The following MYRFL variants were observed in gnomAD, a reference collection of about 807,000 sequenced individuals.
The protein encoded by MYRFL is myelin regulatory factor like, also known as myelin regulatory factor-like protein.
MYRFL carries 88 observed loss-of-function variants against 109.4 expected under a neutral mutation model. That is an observed-to-expected ratio of 0.80 (90% CI 0.68 to 0.96). The LOEUF (loss-of-function observed/expected upper bound fraction) is 0.96, where lower values mean the gene tolerates loss of function less well. MYRFL is among the 40% of genes least tolerant of loss of function. MYRFL has a pLI of 0.00. For missense variants in MYRFL, 957 were observed against 954.9 expected, an observed-to-expected ratio of 1.00 and a Z score of -0.03; for synonymous variants, 324 against 320.9, an observed-to-expected ratio of 1.01 and a Z score of -0.10.
At chr12:69,832,548 G>A (rs1015770873) in intron 1 of MYRFL, among the ~76,000 whole-genome samples, 1 of 152,178 alleles carries the variant, frequency 6.6e-6, no homozygotes, top group African/African-American at 2.4e-5. Flanking sequence ...AGACAATCAG[G>A]AATGGTTTCT....
intron 10 of MYRFL, among the ~76,000 whole-genome samples, chr12:69,898,785 G>A (rs1954086855): frequency 6.6e-6 from 1 of 152,186 alleles, no homozygotes; most frequent in Admixed American, 6.5e-5. Flanking sequence ...TAGTGACAAG[G>A]TTTCTCCATT....
At chr12:69,954,605 A>G (rs948374873) in intron 21 of MYRFL, among the ~76,000 whole-genome samples, 4 of 152,212 alleles carry the variant, frequency 2.6e-5, no homozygotes, top group African/African-American at 9.6e-5. Flanking sequence ...CCTTTTTAGC[A>G]ACTTAGTTTA....
At chr12:69,954,138 T>C (rs12319905) in intron 21 of MYRFL, among the ~76,000 whole-genome samples, 5,103 of 152,274 alleles carry the variant, frequency 0.034, 299 homozygotes, top group African/African-American at 0.12. Flanking sequence ...GATACAGCTA[T>C]TAATTAATGT....
At position 69,917,989 on chromosome 12, in the gene MYRFL, G is replaced by A. The variant is rs554390315; in HGVS notation, c.1602+7059G>A. Among the ~76,000 whole-genome samples the A allele has an allele frequency of 7.9e-5, 12 of 152,160 alleles. No individual in the cohort carries two copies. In the East Asian group the frequency reaches 2.1e-3, roughly 27 times the overall value. ...TAGAGAGGAAGCTGCAGCCATGGAT[G>A]AAGATGTTAATTAAGGAGGGAAAGG... On this transcript the variant is annotated intron_variant, in intron 13 of 24. Transcript: ENST00000552032.
At chr12:69,852,427 T>C (rs1323543920) in intron 1 of MYRFL, among the ~76,000 whole-genome samples, 14 of 151,748 alleles carry the variant, frequency 9.2e-5, no homozygotes, top group African/African-American at 3.1e-4. Flanking sequence ...TCTGCATGAT[T>C]GAATGGTTCT....
intron 1 of MYRFL, among the ~76,000 whole-genome samples, chr12:69,844,832 T>A (rs1431833604): frequency 1.3e-5 from 2 of 152,144 alleles, no homozygotes; most frequent in African/African-American, 2.4e-5. Flanking sequence ...CATCCCTGGG[T>A]AACTGCAGAA....
At chr12:69,830,606 C>T (rs1328825590) in intron 1 of MYRFL, among the ~76,000 whole-genome samples, 2 of 151,872 alleles carry the variant, frequency 1.3e-5, no homozygotes, top group East Asian at 3.9e-4. Flanking sequence ...GGAACAAGAA[C>T]ATGCCAAAGA....
intron 16 of MYRFL, 102 bp from the exon 17 acceptor site, chr12:69,936,011 C>T: frequency 7.4e-7 from 1 of 1,358,570 alleles, no homozygotes; most frequent in Non-Finnish European, 9.8e-7. Flanking sequence ...TCTGTGTGGC[C>T]TGTGAGAGTA....
chr12:69,830,054 G>A (rs957012466), intron 1 of MYRFL, among the ~76,000 whole-genome samples: 1 of 152,026 alleles, frequency 6.6e-6, no homozygotes, highest in African/African-American at 2.4e-5. Flanking sequence ...ACCTAAGCTT[G>A]CACAGAGGAG....
intron 20 of MYRFL, 49 bp downstream of exon 20, chr12:69,952,224 C>A: frequency 6.8e-7 from 1 of 1,479,774 alleles, no homozygotes; most frequent in Non-Finnish European, 9.1e-7. Flanking sequence ...CGGGGCCAGG[C>A]CAACTAACAA....
At chr12:69,846,421 T>C (rs1883551369) in intron 1 of MYRFL, among the ~76,000 whole-genome samples, 1 of 148,466 alleles carries the variant, frequency 6.7e-6, no homozygotes, top group South Asian at 2.3e-4. Flanking sequence ...TTCCCACCTA[T>C]GAGTGAGAAT....
At chr12:69,933,814 A>G (rs1034270039) in intron 16 of MYRFL, among the ~76,000 whole-genome samples, 10 of 151,202 alleles carry the variant, frequency 6.6e-5, no homozygotes, top group Middle Eastern at 3.3e-3. Flanking sequence ...AGCCCGGTGG[A>G]AAAGTTATAA....
chr12:69,943,217 A>C (rs1385677675), intron 19 of MYRFL, among the ~76,000 whole-genome samples: 1 of 151,724 alleles, frequency 6.6e-6, no homozygotes, highest in African/African-American at 2.4e-5. Flanking sequence ...AACAGCCCGC[A>C]TCGCCAAGTT....
rs909702258 is a variant in MYRFL at position 69,878,221 on chromosome 12, T to C, written c.138-807T>C. 1.7e-4 allele frequency among the ~76,000 whole-genome samples: 21 copies of C among 122,246 alleles called. 1 individual carries two copies. The East Asian group carries it at 4.8e-3, about 28-fold the overall frequency. 80.2% of individuals were successfully genotyped at this position (122,246 alleles called of 152,430 possible). A position where few individuals can be genotyped will look rare whatever the true frequency, so the allele number is the denominator to read the frequency against. On this transcript the variant is annotated intron_variant, in intron 2 of 24. Transcript: ENST00000552032. The stretch of plus-strand genomic sequence containing the variant: ...TCATGTCACTGTACTCCAGCCTGGG[T>C]AACAGAGCAAGACTCCATCTCAAAA...
intron 1 of MYRFL, among the ~76,000 whole-genome samples, chr12:69,849,835 C>A (rs1883774626): frequency 6.6e-6 from 1 of 152,166 alleles, no homozygotes; most frequent in African/African-American, 2.4e-5. Flanking sequence ...TGCCCTCAAT[C>A]CTATAATCTA....
chr12:69,949,244 TAAAAAA>T (rs11301848), intron 19 of MYRFL, among the ~76,000 whole-genome samples: 1 of 145,334 alleles, frequency 6.9e-6, no homozygotes, highest in Non-Finnish European at 1.5e-5. Flanking sequence ...ATCTGCAAAT[TAAAAAA>T]AAAAAAAAGA....
intron 11 of MYRFL, 25 bp downstream of exon 11, chr12:69,903,869 C>A: frequency 6.7e-7 from 1 of 1,493,188 alleles, no homozygotes; most frequent in African/African-American, 1.4e-5. Context: ...AGGCCCTGGG[C>A]CCCTCCTCTG....
At chr12:69,838,769 A>G (rs1702735639) in intron 1 of MYRFL, among the ~76,000 whole-genome samples, 2 of 152,248 alleles carry the variant, frequency 1.3e-5, no homozygotes, top group Admixed American at 1.3e-4. Flanking sequence ...CAGAAAGGCC[A>G]GAGGATCATG....
rs147819580 is a variant in MYRFL at position 69,877,962 on chromosome 12, G to C, written c.138-1066G>C. Reference sequence around the variant, plus strand: ...TTTTTTTAAAAATAAAATTTTACTGGCTGGGTGCCATGGCTCACGCCTGTA... The same window carrying C: ...TTTTTTTAAAAATAAAATTTTACTGCCTGGGTGCCATGGCTCACGCCTGTA... On this transcript the variant is annotated intron_variant, in intron 2 of 24. Coordinates refer to ENST00000552032, the MANE Select transcript of MYRFL (RefSeq NM_182530.3). Among the ~76,000 whole-genome samples the C allele has an allele frequency of 4.5e-3, 690 of 152,218 alleles. 6 individuals carry two copies. The highest frequency in any genetic ancestry group is 0.016 in the African/African-American group (661 of 41,542).
Sources: allele counts gnomAD v4.1 joint callset (sites outside exome capture counted in the v4.1 genomes callset), GRCh38; gene constraint gnomAD v4.1.1; transcripts MANE v1.5; gene names NCBI Gene and HGNC (gene_info 2026-07-23, HGNC 2026-07-21).